MICAL3: variants seen among roughly 807,000 people sequenced by gnomAD.
MICAL3 encodes microtubule associated monooxygenase, calponin and LIM domain containing 3, also known as [F-actin]-monooxygenase MICAL3.
A neutral mutation model predicts 207.4 loss-of-function variants in MICAL3; 62 were observed. The observed-to-expected ratio is 0.30, with a 90% CI of 0.24 to 0.37. The LOEUF (loss-of-function observed/expected upper bound fraction) is 0.37, where lower values mean the gene tolerates loss of function less well. Ranked by LOEUF, MICAL3 falls within the 10% of genes least tolerant of loss-of-function variation. MICAL3 has a pLI of 1.00. For synonymous variants in MICAL3, 1,077 were observed against 1,069.3 expected (o/e 1.01, Z -0.14); for missense variants, 2,368 against 2,635.6 (o/e 0.90, Z 2.22).
intron 1 of MICAL3, among the ~76,000 whole-genome samples, chr22:18,011,244 C>A (rs1465833885): frequency 1.3e-5 from 2 of 152,202 alleles, no homozygotes; most frequent in Non-Finnish European, 2.9e-5. Flanking sequence ...ATGTTCCCAG[C>A]CTTATCAAGA....
At chr22:17,901,027 A>G (rs752616124) in intron 5 of MICAL3, 30 bp from the exon 6 acceptor site, 22 of 1,610,236 alleles carry the variant, frequency 1.4e-5, no homozygotes, top group Non-Finnish European at 1.8e-5. Flanking sequence ...CAGAGGTGAT[A>G]ATCATTGGCT....
chr22:18,004,797 G>A (rs1000579789), intron 1 of MICAL3: 8 of 152,158 alleles, frequency 5.3e-5, no homozygotes, highest in African/African-American at 1.2e-4. Flanking sequence ...CTGCCCGAGT[G>A]CACACAGAGG....
At chr22:18,018,761 TATCTATCTAC>T (rs1924236098) in intron 1 of MICAL3, among the ~76,000 whole-genome samples, 2 of 151,082 alleles carry the variant, frequency 1.3e-5, no homozygotes, top group African/African-American at 4.9e-5. Flanking sequence ...TCTATCTATC[TATCTATCTAC>T]ACACACACAC....
intron 29 of MICAL3, among the ~76,000 whole-genome samples, chr22:17,808,521 C>T (rs1486963251): frequency 6.6e-6 from 1 of 152,170 alleles, no homozygotes; most frequent in Non-Finnish European, 1.5e-5. Flanking sequence ...TCCCTCACTC[C>T]CAGTTATTCC....
At chr22:17,876,475 C>T (rs527682235) in intron 16 of MICAL3, 1 of 152,562 alleles carries the variant, frequency 6.6e-6, no homozygotes, top group East Asian at 1.9e-4. Flanking sequence ...GGTACTTCAA[C>T]ACCCTCTGCT....
intron 1 of MICAL3, among the ~76,000 whole-genome samples, chr22:17,948,455 C>G (rs1248745443): frequency 2.6e-5 from 4 of 152,184 alleles, no homozygotes; most frequent in Non-Finnish European, 5.9e-5. Flanking sequence ...CCAGCTCCTG[C>G]TCCTCCCCTC....
At position 17,866,613 on chromosome 22, in the gene MICAL3, C is replaced by CAGAACAGAAT. The variant is rs1467864211; in HGVS notation, c.2429-602_2429-601insATTCTGTTCT. Among the ~76,000 whole-genome samples, 740 of 136,254 alleles carry CAGAACAGAAT rather than the reference C, an allele frequency of 5.4e-3. 6 individuals carry two copies. The highest frequency in any genetic ancestry group is 0.016 in the African/African-American group (561 of 35,142). The allele number at this position is 136,254 out of a possible 152,430, so 89.4% of individuals were successfully genotyped here. On this transcript the variant is annotated intron_variant, in intron 17 of 31. Transcript: ENST00000441493. ...TGGAAGGGAACAGCATAGAACAGAA[C>CAGAACAGAAT]AGAATAGAATAGAATAGAATAGAAT...
rs1930737551 is a variant in MICAL3, at chr22:17,895,368, A to G, written c.1365T>C (p.Asn455=). The G allele has an allele frequency of 6.2e-7, 1 of 1,613,816 alleles. No individual in the cohort carries two copies. Among genetic ancestry groups the G allele is most frequent in the Admixed American group, 1.7e-5 (1 of 60,010 alleles). ...TGTACTGGCTGAAGTTCTTACTCAC[A>G]TTCTCAGGGGTGGTCTGAGGCAGCA... ...YRLLPQTTPE[N]VSKNFSQYSI... Residue 455 remains asparagine (N), a synonymous_variant, in exon 10 of 32, where the codon AAT becomes AAC. Transcript: ENST00000441493.
intron 22 of MICAL3, among the ~76,000 whole-genome samples, chr22:17,826,133 C>T (rs1392039556): frequency 6.6e-6 from 1 of 152,240 alleles, no homozygotes; most frequent in Non-Finnish European, 1.5e-5. Flanking sequence ...GTAACCACCT[C>T]ATTCTCAACA....
chr22:17,931,533 C>T (rs1933264624), intron 1 of MICAL3, among the ~76,000 whole-genome samples: 1 of 152,176 alleles, frequency 6.6e-6, no homozygotes, highest in African/African-American at 2.4e-5. Context: ...GACACATGCT[C>T]CCTCCCTGGC....
At chr22:17,807,032 C>T (rs2061995962) in intron 29 of MICAL3, among the ~76,000 whole-genome samples, 1 of 152,240 alleles carries the variant, frequency 6.6e-6, no homozygotes, top group African/African-American at 2.4e-5. Context: ...CCACCTCAAC[C>T]TCATGAGTAA....
Position 17,902,508 on chromosome 22 carries a change from A to T in MICAL3, c.589+123T>A. On this transcript the variant is annotated intron_variant, in intron 4 of 31. Coordinates refer to ENST00000441493, the MANE Select transcript of MICAL3 (RefSeq NM_015241.3). This position sits in a 1 kb window ranked among gnomAD's most constrained non-coding sequence, Gnocchi z 4.5. ...GGCTGCATCCAGGCCAAGTCCCCAA[A>T]GGCACAGGCTTTGGCTAGCTCTGGA... is the stretch of plus-strand genomic sequence containing the variant. 2 of 591,712 alleles carry T rather than the reference A, an allele frequency of 3.4e-6. No individual in the cohort carries two copies. Among genetic ancestry groups the T allele is most frequent in the South Asian group, 4.4e-5 (2 of 45,058 alleles). The allele number at this position is 591,712 out of a possible 1,614,324, so 36.7% of individuals were successfully genotyped here. A position where few individuals can be genotyped will look rare whatever the true frequency, so the allele number is the denominator to read the frequency against.
At chr22:17,795,805 A>G (rs1209890765) in intron 29 of MICAL3, among the ~76,000 whole-genome samples, 1 of 151,726 alleles carries the variant, frequency 6.6e-6, no homozygotes, top group Non-Finnish European at 1.5e-5. Context: ...AAAATGCCCA[A>G]TCAATACAAT....
chr22:17,993,280 C>A (rs1315217685), intron 1 of MICAL3, among the ~76,000 whole-genome samples: 1 of 151,548 alleles, frequency 6.6e-6, no homozygotes, highest in Admixed American at 6.6e-5. Flanking sequence ...CTTTAAGTTC[C>A]GGGATACATG....
chr22:17,982,940 T>C (rs1032530667), intron 1 of MICAL3, among the ~76,000 whole-genome samples: 2 of 152,170 alleles, frequency 1.3e-5, no homozygotes, highest in African/African-American at 4.8e-5. Flanking sequence ...TTAAAGCTTG[T>C]GAGCTCGGCT....
In MICAL3 at chr22:17,796,702, C is replaced by G. The variant is rs1332832152; in HGVS notation, c.5651-5401G>C. Among the ~76,000 whole-genome samples, 1 of 152,196 alleles carries G rather than the reference C, an allele frequency of 6.6e-6. No individual in the cohort carries two copies. Among genetic ancestry groups the G allele is most frequent in the African/African-American group, 2.4e-5 (1 of 41,454 alleles). On this transcript the variant is annotated intron_variant, in intron 29 of 31. Transcript: ENST00000441493. This position sits in a 1 kb window ranked among gnomAD's most constrained non-coding sequence, Gnocchi z 4.4. ...AGGGAGGCCCGATGTCCCTTCCTGC[C>G]TCGTCTTCTGAAGAGGCCCTGAGAG...
chr22:17,859,079 A>G (rs547194888), intron 19 of MICAL3, among the ~76,000 whole-genome samples: 1 of 152,306 alleles, frequency 6.6e-6, no homozygotes, highest in East Asian at 1.9e-4. Context: ...GGGAGGAAGG[A>G]CATGAGCAGG....
At chr22:17,904,578 A>G in intron 3 of MICAL3, 54 bp downstream of exon 3, 3 of 1,346,346 alleles carry the variant, frequency 2.2e-6, no homozygotes, top group Non-Finnish European at 3.2e-6. Context: ...CTTTCTACTG[A>G]ACAAGCGTGC....
At chr22:17,826,213 A>C (rs950343340) in intron 22 of MICAL3, among the ~76,000 whole-genome samples, 9 of 152,186 alleles carry the variant, frequency 5.9e-5, no homozygotes, top group Admixed American at 3.9e-4. Context: ...TTATCAATAA[A>C]AACCTGCCTG....
Sources: gnomAD v4.1 joint callset for allele counts (sites outside exome capture counted in the v4.1 genomes callset) on GRCh38, gnomAD v4.1.1 for gene constraint, Gnocchi (gnomAD v3.1) non-coding constraint, MANE v1.5 for transcripts, NCBI Gene and HGNC (gene_info 2026-07-23, HGNC 2026-07-21) for gene names.